The following BAHCC1 variants were observed in gnomAD, a reference collection of about 807,000 sequenced individuals.
The protein encoded by BAHCC1 is BAH and coiled-coil domain-containing protein 1.
In BAHCC1, 43 loss-of-function variants were observed where a neutral mutation model predicts 88.2. The observed-to-expected ratio is 0.49, with a 90% CI of 0.38 to 0.63. The LOEUF is 0.63. BAHCC1 is among the 20% of genes least tolerant of loss of function. BAHCC1 has a pLI of 0.00. For synonymous variants in BAHCC1, 1,510 were observed against 745.5 expected (o/e 2.03, Z -16.71); for missense variants, 3,023 against 1,654.8 (o/e 1.83, Z -14.34).
intron 1 of BAHCC1, among the ~76,000 whole-genome samples, chr17:81,397,607 G>A (rs933688343): frequency 6.6e-6 from 1 of 152,124 alleles, no homozygotes; most frequent in East Asian, 1.9e-4. Flanking sequence ...CGCCGGCCGG[G>A]GCTGGGGGCC....
At position 81,447,478 on chromosome 17, in the gene BAHCC1, C is replaced by A. The variant is rs1555654854; in HGVS notation, c.3606C>A (p.Val1202=). The change falls in exon 11 of 28, where the codon GTC becomes GTA. Residue 1202 remains valine, a synonymous_variant. Transcript: ENST00000675386. ...QGPSSGASSQ[V]LEQRAGSPGA... ...CCTCGTCAGGGGCCTCCTCCCAAGTCCTGGAGCAGCGAGCAGGGAGTCCGG... is the reference window on the plus strand; with the variant it reads ...CCTCGTCAGGGGCCTCCTCCCAAGTACTGGAGCAGCGAGCAGGGAGTCCGG... 1.3e-6 allele frequency: 1 copy of A among 742,594 alleles called. No homozygotes were observed. The highest frequency in any genetic ancestry group is 1.4e-5 in the South Asian group (1 of 69,688). The allele number at this position is 742,594 out of a possible 1,614,324, so 46.0% of individuals were successfully genotyped here.
intron 3 of BAHCC1, among the ~76,000 whole-genome samples, chr17:81,430,133 G>A (rs1161169670): frequency 3.3e-5 from 5 of 152,130 alleles, no homozygotes; most frequent in Non-Finnish European, 7.4e-5. Context: ...TGGGCAGCCT[G>A]TCCTGGGTGG....
Position 81,458,674 on chromosome 17 carries a change from C to T in BAHCC1, c.5397C>T (p.Ile1799=), listed in dbSNP as rs1555658210. ...TGGCCACACGCAACGCCAAGGCCATCCTGGGGAAGGGCCGGAAGCTGAGCA... is the reference window on the plus strand; with the variant it reads ...TGGCCACACGCAACGCCAAGGCCATTCTGGGGAAGGGCCGGAAGCTGAGCA... The part of the protein sequence containing the change: ...ITLATRNAKA[I]LGKGRKLSKV... The change falls in exon 19 of 28, where the codon ATC becomes ATT. Residue 1799 remains isoleucine, a synonymous_variant. Coordinates refer to ENST00000675386, the MANE Select transcript of BAHCC1 (RefSeq NM_001377448.1). The T allele has an allele frequency of 5.5e-6, 4 of 724,424 alleles. No individual in the cohort carries two copies. The highest frequency in any genetic ancestry group is 2.0e-5 in the Admixed American group (1 of 50,666). The allele number at this position is 724,424 out of a possible 1,614,324, so 44.9% of individuals were successfully genotyped here.
At chr17:81,440,327 C>T (rs749123767) in intron 4 of BAHCC1, among the ~76,000 whole-genome samples, 4 of 152,216 alleles carry the variant, frequency 2.6e-5, no homozygotes, top group African/African-American at 7.2e-5. Flanking sequence ...CCAGGCCTCT[C>T]GGCTTTCACA....
rs1393454913 is a variant in BAHCC1 at position 81,399,873 on chromosome 17, C to G, written c.134C>G (p.Pro45Arg). The G allele has an allele frequency of 1.7e-5, 24 of 1,451,026 alleles. No homozygotes were observed. The East Asian group carries it at 6.7e-4, about 41-fold the overall frequency. The allele number at this position is 1,451,026 out of a possible 1,614,324, so 89.9% of individuals were successfully genotyped here. Residue 45 changes from proline (P) to arginine (R), a missense_variant, in exon 2 of 28, where the codon CCG becomes CGG. Pro to Arg is a moderately radical substitution (Grantham distance 103, BLOSUM62 -2). Coordinates refer to ENST00000675386, the MANE Select transcript of BAHCC1 (RefSeq NM_001377448.1). This position sits in a 1 kb window ranked among gnomAD's most constrained non-coding sequence, Gnocchi z 4.5. ...GCGCAGCCCCCCGCACACTTCCAGC[C>G]GGGAAAGTACTTCCCGTCGCCGTTG... ...PAAQPPAHFQ[P>R]GKYFPSPLPM...
In BAHCC1 at chr17:81,463,889, C is replaced by A; in HGVS notation, c.*72C>A. The A allele has an allele frequency of 2.9e-6, 2 of 688,422 alleles. No homozygotes were observed. Among genetic ancestry groups the A allele is most frequent in the Middle Eastern group, 3.7e-4 (1 of 2,710 alleles). 42.6% of individuals were successfully genotyped at this position (688,422 alleles called of 1,614,324 possible). On this transcript the variant is annotated 3_prime_UTR_variant, in exon 28 of 28. Coordinates refer to ENST00000675386, the MANE Select transcript of BAHCC1 (RefSeq NM_001377448.1). Reference sequence around the variant, plus strand: ...CGGAGCCTGGCGTCGGCCAAGCCACCGGGCAGGAGGCAGCCCCGGCCTCCC... The same window carrying A: ...CGGAGCCTGGCGTCGGCCAAGCCACAGGGCAGGAGGCAGCCCCGGCCTCCC...
At chr17:81,448,981 G>T (rs782106011) in intron 11 of BAHCC1, among the ~76,000 whole-genome samples, 1 of 152,206 alleles carries the variant, frequency 6.6e-6, no homozygotes, top group African/African-American at 2.4e-5. Context: ...GGGACCCGCC[G>T]TGGGAGGGTC....
intron 6 of BAHCC1, 25 bp from the exon 7 acceptor site, chr17:81,444,356 C>A: frequency 1.4e-6 from 1 of 719,534 alleles, no homozygotes; most frequent in Non-Finnish European, 2.6e-6. Context: ...GCGCCGGCGG[C>A]AGGGCTGAGC....
At chr17:81,443,781 TC>T (rs782748810) in intron 5 of BAHCC1, 27 bp from the exon 6 acceptor site, 19 of 706,052 alleles carry the variant, frequency 2.7e-5, no homozygotes, top group Non-Finnish European at 4.4e-5. Flanking sequence ...CCCAACCCTC[TC>T]CCGTCTGCTG....
Position 81,464,003 on chromosome 17 carries a change from CG to C in BAHCC1, c.*188del, listed in dbSNP as rs2030526975. On this transcript the variant is annotated 3_prime_UTR_variant, in exon 28 of 28. Coordinates refer to ENST00000675386, the MANE Select transcript of BAHCC1 (RefSeq NM_001377448.1). ...TCCCTGGAAAGAGCGCTCCAGGTGT[CG>C]GAATCCAGTCCCGTCCCATCCTCTG... The C allele has an allele frequency of 1.7e-6, 1 of 605,036 alleles. No homozygotes were observed. The highest frequency in any genetic ancestry group is 1.9e-5 in the African/African-American group (1 of 54,036). The allele number at this position is 605,036 out of a possible 1,614,324, so 37.5% of individuals were successfully genotyped here. A position where few individuals can be genotyped will look rare whatever the true frequency, so the allele number is the denominator to read the frequency against.
At chr17:81,433,057 A>AG (rs2064287804) in intron 3 of BAHCC1, among the ~76,000 whole-genome samples, 2 of 150,834 alleles carry the variant, frequency 1.3e-5, no homozygotes, top group Non-Finnish European at 3.0e-5. Context: ...GCCTGGGAAC[A>AG]GATGGAGCTG....
chr17:81,433,061 G>A (rs2064287867), intron 3 of BAHCC1, among the ~76,000 whole-genome samples: 1 of 150,904 alleles, frequency 6.6e-6, no homozygotes, highest in Non-Finnish European at 1.5e-5. Context: ...GGGAACAGAT[G>A]GAGCTGGCCC....
chr17:81,426,496 G>A (rs1324149972), intron 2 of BAHCC1, among the ~76,000 whole-genome samples: 1 of 151,096 alleles, frequency 6.6e-6, no homozygotes, highest in Non-Finnish European at 1.5e-5. Context: ...GATATGGCTC[G>A]TGGTGGTGGT....
In BAHCC1 at chr17:81,402,955, T is replaced by A. The variant is rs1284830996; in HGVS notation, c.178+3038T>A. On this transcript the variant is annotated intron_variant, in intron 2 of 27. Coordinates refer to ENST00000675386, the MANE Select transcript of BAHCC1 (RefSeq NM_001377448.1). The stretch of plus-strand genomic sequence containing the variant: ...TTCCAGTAACCTTGTCACCAAAAGG[T>A]GCAATTAAAATGTTTGGAATCATTA... 4 of 152,322 alleles carry A rather than the reference T, an allele frequency of 2.6e-5. No homozygotes were observed. In the East Asian group the frequency reaches 5.8e-4, roughly 22 times the overall value. The allele number at this position is 152,322 out of a possible 1,614,324, so 9.4% of individuals were successfully genotyped here. A position where few individuals can be genotyped will look rare whatever the true frequency, so the allele number is the denominator to read the frequency against.
intron 2 of BAHCC1, among the ~76,000 whole-genome samples, chr17:81,425,582 G>T (rs1252053368): frequency 1.1e-4 from 17 of 151,316 alleles, no homozygotes; most frequent in African/African-American, 3.9e-4. Context: ...GTGGTTGGGG[G>T]TGATAGTGGT....
Position 81,411,708 on chromosome 17 carries a change from C to T in BAHCC1, c.178+11791C>T, listed in dbSNP as rs533732233. 108 of 313,926 alleles carry T rather than the reference C, an allele frequency of 3.4e-4. No individual in the cohort carries two copies. Among genetic ancestry groups the T allele is most frequent in the African/African-American group, 2.3e-3 (104 of 45,270 alleles). The allele number at this position is 313,926 out of a possible 1,614,324, so 19.4% of individuals were successfully genotyped here. On this transcript the variant is annotated intron_variant, in intron 2 of 27. Transcript: ENST00000675386. The surrounding 1 kb of genome is among the most constrained non-coding windows in gnomAD (Gnocchi z 6.2). ...AGCTCCCCTTCCACTCTGCCCAGCCCACCCTGCCAGGGAGGCCTCAGCATA... is the reference window on the plus strand; with the variant it reads ...AGCTCCCCTTCCACTCTGCCCAGCCTACCCTGCCAGGGAGGCCTCAGCATA...
chr17:81,439,500 C>T (rs762015986), intron 4 of BAHCC1, among the ~76,000 whole-genome samples: 1 of 149,034 alleles, frequency 6.7e-6, no homozygotes, highest in Non-Finnish European at 1.5e-5. Flanking sequence ...TGCAGAGGGG[C>T]TGGGGCGTCT....
At chr17:81,448,370 A>AG (rs2064572564) in intron 11 of BAHCC1, among the ~76,000 whole-genome samples, 1 of 152,106 alleles carries the variant, frequency 6.6e-6, no homozygotes, top group East Asian at 1.9e-4. Flanking sequence ...CCGCCCACCC[A>AG]GGGGCCCCAA....
In BAHCC1 at chr17:81,443,240, T is replaced by C. The variant is rs781980677; in HGVS notation, c.1891T>C (p.Ser631Pro). Residue 631 changes from serine (S) to proline (P), a missense_variant, in exon 5 of 28, where the codon TCA (serine) becomes CCA (proline). Transcript: ENST00000675386. ...QELPAPPDEV[S>P]AMKNLLKYSS... Reference sequence around the variant, plus strand: ...ACTGCCTGCGCCGCCGGACGAGGTCTCAGCCATGAAGAACCTGCTCAAATA... The same window carrying C: ...ACTGCCTGCGCCGCCGGACGAGGTCCCAGCCATGAAGAACCTGCTCAAATA... 3.8e-6 allele frequency: 3 copies of C among 779,360 alleles called. No homozygotes were observed. In the South Asian group the frequency reaches 4.0e-5, roughly 10 times the overall value. 48.3% of individuals were successfully genotyped at this position (779,360 alleles called of 1,614,324 possible).
Sources: allele counts gnomAD v4.1 joint callset (sites outside exome capture counted in the v4.1 genomes callset), GRCh38; gene constraint gnomAD v4.1.1; non-coding constraint Gnocchi (gnomAD v3.1); transcripts MANE v1.5; gene names NCBI Gene and HGNC (gene_info 2026-07-23, HGNC 2026-07-21).